Variants in DPP6 observed in about 807,000 individuals in gnomAD.
DPP6 encodes A-type potassium channel modulatory protein DPP6.
Under a neutral mutation model 122.6 loss-of-function variants are expected in DPP6, and 69 were observed. The ratio of observed to expected loss-of-function variants is 0.56; its 90% confidence interval spans 0.46 to 0.69. The LOEUF (loss-of-function observed/expected upper bound fraction) is 0.69. Ranked by LOEUF, DPP6 falls within the 30% of genes least tolerant of loss-of-function variation. The pLI, the probability that DPP6 is intolerant of heterozygous loss-of-function variation, is 0.00. For synonymous variants in DPP6, 418 were observed against 433.1 expected, an observed-to-expected ratio of 0.97 and a Z score of 0.43; for missense variants, 928 against 1,116.9, an observed-to-expected ratio of 0.83 and a Z score of 2.41.
Position 154,801,357 on chromosome 7 carries a change from T to C in DPP6, c.1302T>C (p.Asn434=), listed in dbSNP as rs200077191. 6.3e-7 allele frequency: 1 copy of C among 1,583,490 alleles called. No individual in the cohort carries two copies. The highest frequency in any genetic ancestry group is 1.7e-4 in the Middle Eastern group (1 of 6,026). The part of the protein sequence containing the change: ...DESEAWLHRQ[N]EEPVFSKDGR... Reference sequence around the variant, plus strand: ...TCATCCGTGGCCTTTGTCCACAGAATGAAGAACCTGTGTTCTCCAAGGATG... The same window carrying C: ...TCATCCGTGGCCTTTGTCCACAGAACGAAGAACCTGTGTTCTCCAAGGATG... Residue 434 remains asparagine, a splice_region_variant and synonymous_variant, in exon 13 of 26, where the codon AAT becomes AAC. Transcript: ENST00000377770.
chr7:154,458,923 A>G (rs1821034449), intron 2 of DPP6, among the ~76,000 whole-genome samples: 1 of 152,214 alleles, frequency 6.6e-6, no homozygotes, highest in Non-Finnish European at 1.5e-5. Flanking sequence ...TACCATCTTC[A>G]CCACAAAGAA....
At chr7:154,500,407 AATAT>A (rs1825132341) in intron 3 of DPP6, among the ~76,000 whole-genome samples, 3 of 152,168 alleles carry the variant, frequency 2.0e-5, no homozygotes, top group African/African-American at 7.2e-5. Context: ...TAAAGCTTAT[AATAT>A]GGTTTCGCTG....
chr7:154,681,097 CA>C (rs61093950), intron 7 of DPP6, among the ~76,000 whole-genome samples: 24,258 of 149,032 alleles, frequency 0.16, 2,099 homozygotes, highest in East Asian at 0.35. Flanking sequence ...GAATACATTT[CA>C]AAAAAAAAAT....
chr7:154,637,782 G>A, intron 5 of DPP6, 39 bp from the exon 6 acceptor site: 1 of 1,543,862 alleles, frequency 6.5e-7, no homozygotes, highest in Non-Finnish European at 8.7e-7. Flanking sequence ...AACAGCCTTT[G>A]TCTCAATGCC....
At chr7:154,872,507 G>C in intron 18 of DPP6, 117 bp from the exon 19 acceptor site, 5 of 1,447,602 alleles carry the variant, frequency 3.5e-6, no homozygotes, top group Non-Finnish European at 4.6e-6. Context: ...TCTGTCTGTG[G>C]GCTTCCCCTC....
intron 1 of DPP6, among the ~76,000 whole-genome samples, chr7:154,022,601 G>C (rs1018476049): frequency 2.2e-4 from 34 of 152,172 alleles, no homozygotes; most frequent in Admixed American, 2.0e-4. Context: ...GAAATTTTAA[G>C]GCAAATTTTA....
At chr7:153,791,795 T>G in the DPP6 span, among the ~76,000 whole-genome samples, 1 of 148,328 alleles carries the variant, frequency 6.7e-6, no homozygotes, top group Non-Finnish European at 1.5e-5. Flanking sequence ...AGTCCTATAA[T>G]ATAACTGAAA....
chr7:154,004,146 CCTCA>C (rs1797804767), intron 1 of DPP6, among the ~76,000 whole-genome samples: 1 of 152,216 alleles, frequency 6.6e-6, no homozygotes. Context: ...CTGCTTTTAT[CCTCA>C]CTGTCAATGT....
intron 1 of DPP6, among the ~76,000 whole-genome samples, chr7:154,020,122 A>C (rs1372357087): frequency 6.6e-6 from 1 of 152,064 alleles, no homozygotes; most frequent in Non-Finnish European, 1.5e-5. Context: ...ACACACACAC[A>C]CACACACTCA....
At chr7:154,513,815 C>T (rs1205365801) in intron 3 of DPP6, among the ~76,000 whole-genome samples, 3 of 152,162 alleles carry the variant, frequency 2.0e-5, no homozygotes, top group Non-Finnish European at 4.4e-5. Flanking sequence ...GCACGTGCCA[C>T]CCAGCAGCAC....
rs1325784777 is a variant in DPP6 at position 154,241,005 on chromosome 7, A to G, written c.243+187942A>G. Among the ~76,000 whole-genome samples, 1 of 152,190 alleles carries G rather than the reference A, an allele frequency of 6.6e-6. No individual in the cohort carries two copies. The highest frequency in any genetic ancestry group is 2.4e-5 in the African/African-American group (1 of 41,444). On this transcript the variant is annotated intron_variant, in intron 1 of 25. Transcript: ENST00000377770. This position sits in a 1 kb window ranked among gnomAD's most constrained non-coding sequence, Gnocchi z 9.0. ...AGGTGTGATTTAAGGAATTCAACCT[A>G]AGAATAGTAGGCCAGCTCATTCTCA...
chr7:153,955,563 C>T (rs778538011), intron 1 of DPP6, among the ~76,000 whole-genome samples: 21 of 152,008 alleles, frequency 1.4e-4, no homozygotes, highest in South Asian at 4.2e-4. Flanking sequence ...CTCAGCCTCC[C>T]GAGTAGCTGG....
intron 19 of DPP6, among the ~76,000 whole-genome samples, chr7:154,873,103 G>C (rs11243324): frequency 0.17 from 25,330 of 152,254 alleles, 2,481 homozygotes; most frequent in East Asian, 0.54. Flanking sequence ...GGCCACTGCC[G>C]TGAATGCCCT....
At chr7:154,248,974 T>C (rs1044314489) in intron 1 of DPP6, among the ~76,000 whole-genome samples, 4 of 152,266 alleles carry the variant, frequency 2.6e-5, no homozygotes, top group African/African-American at 9.6e-5. Flanking sequence ...TCTTGGCATG[T>C]GCCTCCTTTC....
rs34703649 is a variant in DPP6, at chr7:154,535,087, CA to C, written c.458-5436del. Among the ~76,000 whole-genome samples the C allele has an allele frequency of 4.0e-3, 603 of 149,940 alleles. 4 individuals are homozygous for C. Among genetic ancestry groups the C allele is most frequent in the Middle Eastern group, 0.01 (3 of 290 alleles). Reference sequence around the variant, plus strand: ...ACATACATTTTCAATTCATTTTTGACAAAAAAAAATGCTGAAGTAATTCAGT... The same window carrying C: ...ACATACATTTTCAATTCATTTTTGACAAAAAAAATGCTGAAGTAATTCAGT... On this transcript the variant is annotated intron_variant, in intron 3 of 25. Coordinates refer to ENST00000377770, the MANE Select transcript of DPP6 (RefSeq NM_130797.4).
chr7:154,680,839 C>G (rs74785897), intron 7 of DPP6, among the ~76,000 whole-genome samples: 5 of 152,228 alleles, frequency 3.3e-5, no homozygotes, highest in African/African-American at 1.2e-4. Flanking sequence ...CCGCCCATCA[C>G]CCTCCGGGGA....
rs1343539963 is a variant in DPP6 at position 154,017,898 on chromosome 7, G to A, written c.51+130164G>A. On this transcript the variant is annotated intron_variant, in intron 1 of 25. Coordinates refer to the DPP6 transcript ENST00000404039. ...GGAGATAAGATGAAATAAGGAATTC[G>A]TAAATACAAAGAGAGTCATAAAGCA... Among the ~76,000 whole-genome samples the A allele has an allele frequency of 6.6e-5, 10 of 152,010 alleles. No homozygotes were observed. In the East Asian group the frequency reaches 9.7e-4, roughly 15 times the overall value.
the DPP6 span, among the ~76,000 whole-genome samples, chr7:153,818,872 C>T: frequency 4.6e-5 from 7 of 151,860 alleles, no homozygotes; most frequent in Non-Finnish European, 8.8e-5. Context: ...CTGCCTCAGC[C>T]TCCCAAGTAG....
At chr7:153,815,801 C>T in the DPP6 span, among the ~76,000 whole-genome samples, 1 of 152,098 alleles carries the variant, frequency 6.6e-6, no homozygotes, top group Non-Finnish European at 1.5e-5. Flanking sequence ...TCATTATAAC[C>T]GAAGTTCATC....
Sources: gnomAD v4.1 joint callset for allele counts (sites outside exome capture counted in the v4.1 genomes callset) on GRCh38, gnomAD v4.1.1 for gene constraint, Gnocchi (gnomAD v3.1) non-coding constraint, MANE v1.5 for transcripts, NCBI Gene and HGNC (gene_info 2026-07-23, HGNC 2026-07-21) for gene names.